FBLN2: variants seen among roughly 807,000 people sequenced by gnomAD.
The protein encoded by FBLN2 is fibulin 2.
FBLN2 carries 81 observed loss-of-function variants against 123.7 expected under a neutral mutation model. The ratio of observed to expected loss-of-function variants is 0.65; its 90% CI spans 0.55 to 0.79. The LOEUF (loss-of-function observed/expected upper bound fraction) is 0.79. Ranked by LOEUF, FBLN2 falls within the 30% of genes least tolerant of loss-of-function variation. The pLI is 0.00. For missense variants in FBLN2, 1,603 were observed against 1,681.3 expected, an observed-to-expected ratio of 0.95 and a Z score of 0.81; for synonymous variants, 699 against 701.4, an observed-to-expected ratio of 1.00 and a Z score of 0.05.
intron 8 of FBLN2, among the ~76,000 whole-genome samples, chr3:13,620,548 G>A (rs978012657): frequency 6.6e-6 from 1 of 152,208 alleles, no homozygotes; most frequent in Non-Finnish European, 1.5e-5. Flanking sequence ...TGGGGCCTCT[G>A]TGGGCCAGGA....
At position 13,629,296 on chromosome 3, in the gene FBLN2, G is replaced by A. The variant is rs1330125750; in HGVS notation, c.2842+4G>A. The A allele has an allele frequency of 6.2e-7, 1 of 1,604,552 alleles. No individual in the cohort carries two copies. The highest frequency in any genetic ancestry group is 1.1e-5 in the South Asian group (1 of 89,438). ...GCCTTTGGCCGGGGCTGCATCGGTA[G>A]GTAGGCTGGTGGCCAGGACCCCTGG... is the stretch of plus-strand genomic sequence containing the variant. On this transcript the variant is annotated splice_donor_region_variant and intron_variant, in intron 13 of 17. Transcript: ENST00000404922.
At chr3:13,631,920 C>T (rs1179769450) in intron 16 of FBLN2, among the ~76,000 whole-genome samples, 1 of 152,014 alleles carries the variant, frequency 6.6e-6, no homozygotes, top group Non-Finnish European at 1.5e-5. Context: ...CTTTTCCCAA[C>T]CCTGGTGCAG....
chr3:13,607,799 G>A (rs1232046875), intron 2 of FBLN2, among the ~76,000 whole-genome samples: 2 of 152,158 alleles, frequency 1.3e-5, no homozygotes, highest in Non-Finnish European at 1.5e-5. Context: ...CATAGAACTG[G>A]CTGCTTTGAG....
At chr3:13,632,439 G>A (rs1706289108) in intron 16 of FBLN2, among the ~76,000 whole-genome samples, 1 of 152,218 alleles carries the variant, frequency 6.6e-6, no homozygotes, top group Admixed American at 6.5e-5. Context: ...AAAGCAGAGG[G>A]GTCAGAGTTA....
At position 13,557,258 on chromosome 3, in the gene FBLN2, C is replaced by G. The variant is rs188943030; in HGVS notation, c.-42+8050C>G. ...GGACTGAGCGAGGCAGCCTGCTGCCCTAGGAGGGGTCTAGTCTACTGCAGG... is the reference window on the plus strand; with the variant it reads ...GGACTGAGCGAGGCAGCCTGCTGCCGTAGGAGGGGTCTAGTCTACTGCAGG... On this transcript the variant is annotated intron_variant, in intron 1 of 17. Transcript: ENST00000404922. 3.9e-5 allele frequency among the ~76,000 whole-genome samples: 6 copies of G among 152,310 alleles called. No individual in the cohort carries two copies. The East Asian group carries it at 1.2e-3, about 29-fold the overall frequency.
intron 2 of FBLN2, among the ~76,000 whole-genome samples, chr3:13,597,084 A>G (rs62232962): frequency 0.086 from 13,135 of 152,076 alleles, 743 homozygotes; most frequent in East Asian, 0.27. Flanking sequence ...GGCACACACC[A>G]TCATGCCTGG....
chr3:13,557,955 C>T (rs1286168825), intron 1 of FBLN2, among the ~76,000 whole-genome samples: 1 of 152,212 alleles, frequency 6.6e-6, no homozygotes, highest in Non-Finnish European at 1.5e-5. Context: ...GGGCTGACTG[C>T]CTTGGGGGCC....
Position 13,618,931 on chromosome 3 carries a change from C to A in FBLN2, c.1967C>A (p.Pro656Gln). The A allele has an allele frequency of 1.2e-6, 2 of 1,613,448 alleles. No homozygotes were observed. Among genetic ancestry groups the A allele is most frequent in the Non-Finnish European group, 1.7e-6 (2 of 1,179,760 alleles). The change falls in exon 7 of 18, where the codon CCA becomes CAA. Residue 656 changes from proline (P) to glutamine (Q), a missense_variant. Transcript: ENST00000404922. Reference sequence around the variant, plus strand: ...GGTCACCCTCCACAGCCGGAAGCCCCACAGGAGCCTGCACTGAAGTCAGAA... The same window carrying A: ...GGTCACCCTCCACAGCCGGAAGCCCAACAGGAGCCTGCACTGAAGTCAGAA... ...PEGHPPQPEA[P>Q]QEPALKSEFS...
Position 13,570,573 on chromosome 3 carries a change from G to A in FBLN2, c.218G>A (p.Cys73Tyr). ...TGCGAGGGCTACCAGTACTATGACT[G>A]CCTACAGGGTGGCTTCGTGCGCGGC... ...CACEGYQYYDCLQGGFVRGRV... is the reference protein window; with the variant it reads ...CACEGYQYYDYLQGGFVRGRV... The change falls in exon 2 of 18, where the codon TGC (cysteine) becomes TAC (tyrosine). Residue 73 changes from cysteine to tyrosine, a missense_variant. Physicochemically the swap from Cys to Tyr is radical, Grantham distance 194. Transcript: ENST00000404922. The A allele has an allele frequency of 3.1e-6, 5 of 1,588,178 alleles. No homozygotes were observed. Among genetic ancestry groups the A allele is most frequent in the Non-Finnish European group, 4.3e-6 (5 of 1,168,584 alleles).
intron 2 of FBLN2, among the ~76,000 whole-genome samples, chr3:13,595,561 G>A (rs949265117): frequency 6.6e-6 from 1 of 152,140 alleles, no homozygotes; most frequent in Non-Finnish European, 1.5e-5. Flanking sequence ...CACCAAGGCT[G>A]GCGGGAACAT....
At chr3:13,565,154 G>A (rs2125038308) in intron 1 of FBLN2, among the ~76,000 whole-genome samples, 1 of 152,292 alleles carries the variant, frequency 6.6e-6, no homozygotes, top group East Asian at 1.9e-4. Context: ...ATTGCCCTGT[G>A]CACGTTCAAG....
chr3:13,629,492 C>T (rs1214844966), intron 13 of FBLN2, among the ~76,000 whole-genome samples, 200 bp downstream of exon 13: 1 of 151,922 alleles, frequency 6.6e-6, no homozygotes, highest in Non-Finnish European at 1.5e-5. Flanking sequence ...CCCACCTTCT[C>T]AGTCCCTCCT....
chr3:13,602,140 C>T (rs11128648), intron 2 of FBLN2, among the ~76,000 whole-genome samples: 1 of 151,958 alleles, frequency 6.6e-6, no homozygotes, highest in East Asian at 1.9e-4. Flanking sequence ...TTATTCTAAT[C>T]CTGCCTTTAT....
chr3:13,561,374 G>A (rs1313739668), intron 1 of FBLN2, among the ~76,000 whole-genome samples: 1 of 152,106 alleles, frequency 6.6e-6, no homozygotes, highest in Admixed American at 6.5e-5. Flanking sequence ...TTCAGTGACT[G>A]ACTGATCGCC....
At chr3:13,567,080 G>A (rs1470784935) in intron 1 of FBLN2, among the ~76,000 whole-genome samples, 2 of 152,176 alleles carry the variant, frequency 1.3e-5, no homozygotes, top group Non-Finnish European at 1.5e-5. Context: ...TGAGGTTTGG[G>A]ATTGCTTAAG....
chr3:13,627,138 C>A (rs1484454603), intron 10 of FBLN2, among the ~76,000 whole-genome samples: 2 of 151,758 alleles, frequency 1.3e-5, no homozygotes, highest in African/African-American at 4.8e-5. Context: ...GCTGGGGGCC[C>A]CTGTAAGTGG....
chr3:13,596,959 T>C (rs1868707), intron 2 of FBLN2, among the ~76,000 whole-genome samples: 24,958 of 152,000 alleles, frequency 0.16, 3,780 homozygotes, highest in African/African-American at 0.41. Flanking sequence ...TTAGATAAGG[T>C]CTTGCTCTGT....
At chr3:13,596,966 C>G (rs1704863572) in intron 2 of FBLN2, among the ~76,000 whole-genome samples, 1 of 151,596 alleles carries the variant, frequency 6.6e-6, no homozygotes, top group Non-Finnish European at 1.5e-5. Flanking sequence ...AGGTCTTGCT[C>G]TGTTGCCCAG....
At chr3:13,554,167 C>T (rs1703402510) in intron 1 of FBLN2, among the ~76,000 whole-genome samples, 1 of 152,192 alleles carries the variant, frequency 6.6e-6, no homozygotes, top group African/African-American at 2.4e-5. Context: ...AGCCCCAGGC[C>T]CACTCTGGGG....
Sources: allele counts gnomAD v4.1 joint callset (sites outside exome capture counted in the v4.1 genomes callset), GRCh38; gene constraint gnomAD v4.1.1; transcripts MANE v1.5; gene names NCBI Gene and HGNC (gene_info 2026-07-23, HGNC 2026-07-21).